Variants in DCC observed in about 807,000 individuals in gnomAD.
DCC encodes netrin receptor DCC.
In DCC, 58 loss-of-function variants were observed where a neutral mutation model predicts 172.5. That is an observed-to-expected ratio of 0.34 (90% confidence interval 0.27 to 0.42). The LOEUF (loss-of-function observed/expected upper bound fraction) is 0.42. Among genes scored for constraint, DCC ranks in the 10% least tolerant of loss-of-function variants. The pLI is 1.00. For missense variants in DCC, 1,740 were observed against 1,791.0 expected (o/e 0.97, Z 0.51); for synonymous variants, 709 against 644.5 (o/e 1.10, Z -1.52).
chr18:53,432,591 T>C (rs1396043936), intron 21 of DCC, among the ~76,000 whole-genome samples: 3 of 152,166 alleles, frequency 2.0e-5, no homozygotes, highest in Non-Finnish European at 4.4e-5. Context: ...ACATCCAATA[T>C]TTGTTCTACA....
intron 11 of DCC, among the ~76,000 whole-genome samples, chr18:53,211,124 G>A (rs1358519729): frequency 2.0e-5 from 3 of 152,082 alleles, no homozygotes; most frequent in Non-Finnish European, 4.4e-5. Flanking sequence ...AATGCAGAAG[G>A]ACCTGATTTC....
chr18:52,759,754 G>A (rs987501783), intron 2 of DCC, among the ~76,000 whole-genome samples: 2 of 152,024 alleles, frequency 1.3e-5, no homozygotes, highest in Non-Finnish European at 2.9e-5. Context: ...ACATCACAAG[G>A]AAAATATATT....
At chr18:53,231,385 C>T (rs1329464641) in intron 12 of DCC, among the ~76,000 whole-genome samples, 1 of 151,964 alleles carries the variant, frequency 6.6e-6, no homozygotes, top group Non-Finnish European at 1.5e-5. Context: ...TCATAATAAG[C>T]AAATGATAAA....
intron 1 of DCC, among the ~76,000 whole-genome samples, chr18:52,648,007 T>A (rs2035051789): frequency 6.6e-6 from 1 of 152,214 alleles, no homozygotes; most frequent in Non-Finnish European, 1.5e-5. Context: ...ATGGATGTGC[T>A]GGCCCTTAGG....
chr18:52,731,789 T>C (rs1219964670), intron 1 of DCC, among the ~76,000 whole-genome samples: 1 of 152,198 alleles, frequency 6.6e-6, no homozygotes, highest in Non-Finnish European at 1.5e-5. Flanking sequence ...AATATATTAA[T>C]ATATAATGCT....
intron 25 of DCC, among the ~76,000 whole-genome samples, chr18:53,473,771 T>C (rs142592738): frequency 1.8e-3 from 278 of 152,320 alleles, no homozygotes; most frequent in African/African-American, 6.4e-3. Context: ...ATATGGCTTT[T>C]ATCTCCTAAA....
At chr18:53,110,702 C>T (rs1485795264) in intron 7 of DCC, among the ~76,000 whole-genome samples, 16 of 140,400 alleles carry the variant, frequency 1.1e-4, no homozygotes, top group African/African-American at 3.2e-4. Context: ...CAATGAGATA[C>T]CATCTCACAC....
intron 5 of DCC, among the ~76,000 whole-genome samples, chr18:53,025,936 G>T (rs2041949952): frequency 6.6e-6 from 1 of 151,194 alleles, no homozygotes; most frequent in East Asian, 1.9e-4. Flanking sequence ...TTTAATCTAA[G>T]AAAAAATCTT....
intron 1 of DCC, among the ~76,000 whole-genome samples, chr18:52,389,023 C>T (rs1236909739): frequency 6.6e-6 from 1 of 152,102 alleles, no homozygotes; most frequent in Non-Finnish European, 1.5e-5. Flanking sequence ...GTTGTGTATT[C>T]TCTGCCCAGT....
intron 20 of DCC, among the ~76,000 whole-genome samples, chr18:53,412,582 T>C (rs142757555): frequency 1.3e-5 from 2 of 152,252 alleles, no homozygotes; most frequent in East Asian, 3.9e-4. Context: ...ACTGTGCTCA[T>C]CAGAATGTAA....
chr18:52,539,929 C>T lies in DCC; in HGVS notation c.91+199051C>T, dbSNP rs192683569. ...AAAAAAACCCACAAAATTTAGGTAT[C>T]ACTAGGTAAAGATCAGTGGGAAATC... On this transcript the variant is annotated intron_variant, in intron 1 of 28. Coordinates refer to ENST00000442544, the MANE Select transcript of DCC (RefSeq NM_005215.4). Among the ~76,000 whole-genome samples the T allele has an allele frequency of 2.5e-3, 374 of 152,182 alleles. 4 individuals are homozygous for T. The highest frequency in any genetic ancestry group is 0.015 in the South Asian group (70 of 4,814).
intron 1 of DCC, among the ~76,000 whole-genome samples, chr18:52,350,097 C>A (rs1309705060): frequency 6.6e-6 from 1 of 152,072 alleles, no homozygotes; most frequent in South Asian, 2.1e-4. Context: ...CAAATAAGAC[C>A]AAGTATTTCA....
intron 12 of DCC, among the ~76,000 whole-genome samples, chr18:53,249,723 A>G (rs1246945163): frequency 6.6e-6 from 1 of 151,992 alleles, no homozygotes; most frequent in Non-Finnish European, 1.5e-5. Context: ...TTAAAAAACA[A>G]TATTATATTG....
chr18:52,779,951 TAA>T (rs1043214069), intron 2 of DCC, among the ~76,000 whole-genome samples: 9 of 152,224 alleles, frequency 5.9e-5, no homozygotes, highest in African/African-American at 2.2e-4. Flanking sequence ...TTAAACATGT[TAA>T]GATTTTGATT....
intron 7 of DCC, among the ~76,000 whole-genome samples, chr18:53,150,492 C>G (rs1200576224): frequency 6.6e-6 from 1 of 152,198 alleles, no homozygotes; most frequent in Non-Finnish European, 1.5e-5. Context: ...TTGGTTCCTT[C>G]TTTCACAGAG....
chr18:53,269,155 C>T (rs529432107), intron 12 of DCC, among the ~76,000 whole-genome samples: 1 of 152,088 alleles, frequency 6.6e-6, no homozygotes, highest in African/African-American at 2.4e-5. Context: ...TGTGCCTGTG[C>T]ATATGGGATT....
At chr18:53,452,749 T>A (rs1353232183) in intron 23 of DCC, among the ~76,000 whole-genome samples, 3 of 152,226 alleles carry the variant, frequency 2.0e-5, no homozygotes, top group African/African-American at 7.2e-5. Flanking sequence ...CTTTTAATAG[T>A]TACTTGTGTT....
chr18:52,919,405 GA>G (rs926262855), intron 3 of DCC, among the ~76,000 whole-genome samples: 2 of 152,074 alleles, frequency 1.3e-5, no homozygotes. Flanking sequence ...CCTTTTGGGG[GA>G]ACTTTCTTAC....
intron 1 of DCC, among the ~76,000 whole-genome samples, chr18:52,519,605 G>T (rs1288338461): frequency 6.6e-6 from 1 of 152,146 alleles, no homozygotes; most frequent in African/African-American, 2.4e-5. Context: ...AAAAGAAATG[G>T]AAGGAATTTG....
Sources: gnomAD v4.1 joint callset for allele counts (sites outside exome capture counted in the v4.1 genomes callset) on GRCh38, gnomAD v4.1.1 for gene constraint, MANE v1.5 for transcripts, NCBI Gene and HGNC (gene_info 2026-07-23, HGNC 2026-07-21) for gene names.